POP1: variants seen among roughly 807,000 people sequenced by gnomAD.
POP1 encodes POP1 ribonuclease P/MRP subunit, also known as ribonucleases P/MRP protein subunit POP1.
POP1 carries 75 observed loss-of-function variants against 102.2 expected under a neutral mutation model. The ratio of observed to expected loss-of-function variants is 0.73; its 90% CI spans 0.61 to 0.89. The LOEUF (loss-of-function observed/expected upper bound fraction) is 0.89. POP1 is among the 40% of genes least tolerant of loss of function. POP1 has a pLI of 0.00. For synonymous variants in POP1, 436 were observed against 464.1 expected (o/e 0.94, Z 0.78); for missense variants, 1,116 against 1,267.4 (o/e 0.88, Z 1.81).
intron 12 of POP1, among the ~76,000 whole-genome samples, chr8:98,147,690 G>A (rs1172700674): frequency 6.6e-6 from 1 of 152,152 alleles, no homozygotes; most frequent in Admixed American, 6.6e-5. Context: ...TTGTGGCAGT[G>A]TGGCTAGAGT....
At chr8:98,153,530 A>ACC (rs201732014) in intron 14 of POP1, among the ~76,000 whole-genome samples, 672 of 59,606 alleles carry the variant, frequency 0.011, 24 homozygotes, top group African/African-American at 0.048. Flanking sequence ...AACAGTTCTG[A>ACC]CTCTTTTTTT....
At chr8:98,146,350 A>C (rs754294042) in intron 11 of POP1, among the ~76,000 whole-genome samples, 18 of 152,246 alleles carry the variant, frequency 1.2e-4, no homozygotes, top group Non-Finnish European at 1.9e-4. Context: ...ATACATGAAA[A>C]ATCAATACCA....
chr8:98,140,048 G>T, intron 9 of POP1, 30 bp from the exon 10 acceptor site: 2 of 1,536,516 alleles, frequency 1.3e-6, no homozygotes, highest in Non-Finnish European at 1.8e-6. Context: ...TTCATTGTTC[G>T]TCCAGTGAAT....
chr8:98,119,836 A>G (rs964877527), intron 1 of POP1, among the ~76,000 whole-genome samples: 2 of 152,142 alleles, frequency 1.3e-5, no homozygotes, highest in Non-Finnish European at 2.9e-5. Flanking sequence ...GGCCTCCCAA[A>G]GTGCTGGGAT....
intron 11 of POP1, among the ~76,000 whole-genome samples, chr8:98,145,551 T>C (rs1213578025): frequency 6.6e-6 from 1 of 152,174 alleles, no homozygotes; most frequent in Non-Finnish European, 1.5e-5. Flanking sequence ...GAGTACTTTC[T>C]AGCACGGTAC....
At chr8:98,156,514 A>G in intron 15 of POP1, 102 bp downstream of exon 15, 3 of 1,466,076 alleles carry the variant, frequency 2.0e-6, no homozygotes, top group Non-Finnish European at 2.8e-6. Context: ...GCAAAATCCA[A>G]GTGAATTTAT....
rs1034601503 is a variant in POP1, at chr8:98,158,501, A to G, written c.*230A>G. On this transcript the variant is annotated 3_prime_UTR_variant, in exon 16 of 16. Transcript: ENST00000401707. ...AATACTTTTAAATTATTTGGCCAAA[A>G]GCTTTGTATTATGATCTCTTGGTCT... is the stretch of plus-strand genomic sequence containing the variant. 2 of 542,180 alleles carry G rather than the reference A, an allele frequency of 3.7e-6. No homozygotes were observed. Among genetic ancestry groups the G allele is most frequent in the African/African-American group, 3.8e-5 (2 of 52,538 alleles). 33.6% of individuals were successfully genotyped at this position (542,180 alleles called of 1,614,324 possible).
chr8:98,143,555 C>G (rs1285335790), intron 11 of POP1, among the ~76,000 whole-genome samples: 1 of 151,910 alleles, frequency 6.6e-6, no homozygotes, highest in Non-Finnish European at 1.5e-5. Flanking sequence ...AGGGTTCACT[C>G]TTGGTGATAT....
At chr8:98,120,477 ATT>A (rs1163667759) in intron 1 of POP1, among the ~76,000 whole-genome samples, 1 of 152,018 alleles carries the variant, frequency 6.6e-6, no homozygotes, top group African/African-American at 2.4e-5. Context: ...ATGTTTGTTC[ATT>A]TTTTTATTTT....
chr8:98,156,646 A>G (rs1452235091), intron 15 of POP1, among the ~76,000 whole-genome samples: 1 of 151,978 alleles, frequency 6.6e-6, no homozygotes, highest in East Asian at 1.9e-4. Flanking sequence ...ATTGTCATCA[A>G]TAGATCCAAG....
intron 1 of POP1, among the ~76,000 whole-genome samples, chr8:98,121,633 G>T (rs1052644987): frequency 2.7e-5 from 4 of 148,306 alleles, no homozygotes; most frequent in African/African-American, 1.0e-4. Flanking sequence ...TTCTCCTGTC[G>T]CAGCCTCCCG....
chr8:98,157,574 T>A (rs1258796536), intron 15 of POP1, 43 bp from the exon 16 acceptor site: 8 of 1,605,622 alleles, frequency 5.0e-6, no homozygotes, highest in Non-Finnish European at 6.8e-6. Flanking sequence ...TATTTTTTTC[T>A]GGAACAAAAT....
At chr8:98,153,536 T>A in intron 14 of POP1, among the ~76,000 whole-genome samples, 1 of 118,092 alleles carries the variant, frequency 8.5e-6, no homozygotes, top group South Asian at 2.9e-4. Flanking sequence ...TCTGACTCTT[T>A]TTTTTTTTTT....
At position 98,159,391 on chromosome 8, in the gene POP1, G is replaced by T. The variant is rs531288364; in HGVS notation, c.*1120G>T. 2 of 152,278 alleles carry T rather than the reference G, an allele frequency of 1.3e-5. No individual in the cohort carries two copies. The highest frequency in any genetic ancestry group is 1.3e-4 in the Admixed American group (2 of 15,300). The allele number at this position is 152,278 out of a possible 1,614,324, so 9.4% of individuals were successfully genotyped here. A position where few individuals can be genotyped will look rare whatever the true frequency, so the allele number is the denominator to read the frequency against. On this transcript the variant is annotated 3_prime_UTR_variant, in exon 16 of 16. Transcript: ENST00000401707. ...GATTCTCAACAGGGTATAAAAGGAA[G>T]GTCTCATCTTGCCTCACAGGAAGAG...
chr8:98,123,470 CA>C lies in POP1; in HGVS notation c.138del (p.Lys46AsnfsTer26), dbSNP rs779742938. ...TGGAGGTGAAAAACCTTTCCAAGCT[CA>C]AAAACAAGGTAAAATACACATAAGA... Reference protein sequence around the residue: ...HSGGEKPFQAQKQEPHPGTSR... With the variant: ...HSGGEKPFQAXKQEPHPGTSR... On this transcript the variant is annotated frameshift_variant, in exon 2 of 16. Coordinates refer to ENST00000401707, the MANE Select transcript of POP1 (RefSeq NM_001145860.2). LOFTEE classifies it high-confidence loss of function. 2 of 1,613,670 alleles carry C rather than the reference CA, an allele frequency of 1.2e-6. No individual in the cohort carries two copies. Among genetic ancestry groups the C allele is most frequent in the Non-Finnish European group, 1.7e-6 (2 of 1,179,738 alleles).
In POP1 at chr8:98,127,588, A is replaced by T. The variant is rs1212542801; in HGVS notation, c.143-7A>T. 3 of 1,614,136 alleles carry T rather than the reference A, an allele frequency of 1.9e-6. No individual in the cohort carries two copies. The highest frequency in any genetic ancestry group is 2.5e-6 in the Non-Finnish European group (3 of 1,179,988). ...AGGTGACATGTTTCTTTTTGAAAAT[A>T]TACTAGAGCCTCATCCTGGAACTTC... On this transcript the variant is annotated splice_polypyrimidine_tract_variant and splice_region_variant and intron_variant, in intron 2 of 15. Transcript: ENST00000401707.
chr8:98,155,910 T>TGTGTGTGTGTGC, intron 14 of POP1, 140 bp from the exon 15 acceptor site: 1 of 139,084 alleles, frequency 7.2e-6, no homozygotes, highest in Non-Finnish European at 1.1e-5. Context: ...GGAAAGCTTT[T>TGTGTGTGTGTGC]GTGTGTGTGT....
chr8:98,156,479 G>C, intron 15 of POP1, 67 bp downstream of exon 15: 1 of 1,594,238 alleles, frequency 6.3e-7, no homozygotes, highest in Non-Finnish European at 8.6e-7. Flanking sequence ...GCTACAGGAT[G>C]TAAGCGTTAT....
In POP1 at chr8:98,159,034, T is replaced by C. The variant is rs1159651217; in HGVS notation, c.*763T>C. 6.6e-6 allele frequency: 1 copy of C among 152,216 alleles called. No individual in the cohort carries two copies. The highest frequency in any genetic ancestry group is 1.5e-5 in the Non-Finnish European group (1 of 68,040). 9.4% of individuals were successfully genotyped at this position (152,216 alleles called of 1,614,324 possible). ...ATTTCTCAGAATATGTTCTATGATATGTGTCACCTAAAAAAGTAAGAGATT... is the reference window on the plus strand; with the variant it reads ...ATTTCTCAGAATATGTTCTATGATACGTGTCACCTAAAAAAGTAAGAGATT... On this transcript the variant is annotated 3_prime_UTR_variant, in exon 16 of 16. Coordinates refer to ENST00000401707, the MANE Select transcript of POP1 (RefSeq NM_001145860.2).
Sources: gnomAD v4.1 joint callset for allele counts (sites outside exome capture counted in the v4.1 genomes callset) on GRCh38, gnomAD v4.1.1 for gene constraint, MANE v1.5 for transcripts, NCBI Gene and HGNC (gene_info 2026-07-23, HGNC 2026-07-21) for gene names.